Variants in ARHGEF19 observed in about 807,000 individuals in gnomAD.
ARHGEF19 encodes Rho guanine nucleotide exchange factor (GEF) 19.
A neutral mutation model predicts 87.6 loss-of-function variants in ARHGEF19; 92 were observed. That is an observed-to-expected ratio of 1.05 (90% CI 0.89 to 1.25). ARHGEF19 has a LOEUF of 1.25. Among genes scored for constraint, ARHGEF19 ranks in the 50% most tolerant of loss-of-function variants. The probability of loss-of-function intolerance (pLI) is 0.00; values close to 1 mark genes in which losing one functional copy is unlikely to be tolerated. For missense variants in ARHGEF19, 1,054 were observed against 1,051.8 expected, an observed-to-expected ratio of 1.00 and a Z score of -0.03; for synonymous variants, 438 against 446.2, an observed-to-expected ratio of 0.98 and a Z score of 0.23.
In ARHGEF19 at chr1:16,205,805, G is replaced by A. The variant is rs2081126292; in HGVS notation, c.1451+126C>T. ...TTGGGGTTGCATCTCACCTTATCCTGGTCACAGAGACCTTTTCAGGGACCC... is the reference window on the plus strand; with the variant it reads ...TTGGGGTTGCATCTCACCTTATCCTAGTCACAGAGACCTTTTCAGGGACCC... On this transcript the variant is annotated intron_variant, in intron 8 of 15. Coordinates refer to ENST00000270747, the MANE Select transcript of ARHGEF19 (RefSeq NM_153213.5). The surrounding 1 kb of genome is among the most constrained non-coding windows in gnomAD (Gnocchi z 5.8). 3 of 1,488,318 alleles carry A rather than the reference G, an allele frequency of 2.0e-6. No individual in the cohort carries two copies. The highest frequency in any genetic ancestry group is 2.7e-6 in the Non-Finnish European group (3 of 1,111,792). The allele number at this position is 1,488,318 out of a possible 1,614,324, so 92.2% of individuals were successfully genotyped here.
chr1:16,204,648 G>C, intron 12 of ARHGEF19, 111 bp downstream of exon 12: 1 of 1,317,864 alleles, frequency 7.6e-7, no homozygotes, highest in Non-Finnish European at 1.0e-6. Flanking sequence ...GCATACCCTG[G>C]CACAGGCAGG....
In ARHGEF19 at chr1:16,198,858, C is replaced by T. The variant is rs1476342256; in HGVS notation, c.2252-114G>A. On this transcript the variant is annotated intron_variant, in intron 15 of 15. Coordinates refer to ENST00000270747, the MANE Select transcript of ARHGEF19 (RefSeq NM_153213.5). This position sits in a 1 kb window ranked among gnomAD's most constrained non-coding sequence, Gnocchi z 4.1. ...GTCTGCACCCTTGGGGCCAAGGTGA[C>T]ATCATCTCAGCATCTCTCAGCTCCA... is the stretch of plus-strand genomic sequence containing the variant. 2 of 1,339,112 alleles carry T rather than the reference C, an allele frequency of 1.5e-6. No individual in the cohort carries two copies. Among genetic ancestry groups the T allele is most frequent in the Non-Finnish European group, 2.0e-6 (2 of 988,228 alleles). The allele number at this position is 1,339,112 out of a possible 1,614,324, so 83.0% of individuals were successfully genotyped here.
intron 12 of ARHGEF19, 29 bp downstream of exon 12, chr1:16,204,730 C>T (rs370907435): frequency 7.5e-5 from 115 of 1,536,116 alleles, no homozygotes; most frequent in Non-Finnish European, 9.3e-5. Flanking sequence ...CTCCACTTTA[C>T]CTACCCACCC....
At chr1:16,199,285 C>T (rs1298353460) in intron 14 of ARHGEF19, 31 bp from the exon 15 acceptor site, 1 of 1,605,214 alleles carries the variant, frequency 6.2e-7, no homozygotes, top group South Asian at 1.1e-5. Flanking sequence ...CAGGGAGTCC[C>T]AAGGGCAGGA....
chr1:16,205,259 G>A lies in ARHGEF19; in HGVS notation c.1657-83C>T. 1 of 1,603,858 alleles carries A rather than the reference G, an allele frequency of 6.2e-7. No individual in the cohort carries two copies. Among genetic ancestry groups the A allele is most frequent in the Non-Finnish European group, 8.5e-7 (1 of 1,173,346 alleles). On this transcript the variant is annotated intron_variant, in intron 10 of 15. Coordinates refer to ENST00000270747, the MANE Select transcript of ARHGEF19 (RefSeq NM_153213.5). This position sits in a 1 kb window ranked among gnomAD's most constrained non-coding sequence, Gnocchi z 5.8. Reference sequence around the variant, plus strand: ...GCCTCAGACTCTTGCCTGGGGACCGGAGACTCTGACAGCTGGGGGCTGTTT... The same window carrying A: ...GCCTCAGACTCTTGCCTGGGGACCGAAGACTCTGACAGCTGGGGGCTGTTT...
In ARHGEF19 at chr1:16,208,240, AAGG is replaced by A; in HGVS notation, c.413-18_413-16del. On this transcript the variant is annotated splice_polypyrimidine_tract_variant and intron_variant, in intron 2 of 15. Coordinates refer to ENST00000270747, the MANE Select transcript of ARHGEF19 (RefSeq NM_153213.5). ...CATCTTGCGCCCTAGGGTTGGGGGC[AAGG>A]AGTGAGAGCACGGGCTGGGGTCTCC... is the stretch of plus-strand genomic sequence containing the variant. 6.2e-7 allele frequency: 1 copy of A among 1,607,836 alleles called. No individual in the cohort carries two copies. The highest frequency in any genetic ancestry group is 8.5e-7 in the Non-Finnish European group (1 of 1,176,296).
At chr1:16,201,230 C>T (rs922787732) in intron 14 of ARHGEF19, among the ~76,000 whole-genome samples, 4 of 152,092 alleles carry the variant, frequency 2.6e-5, no homozygotes, top group Non-Finnish European at 5.9e-5. Flanking sequence ...TCAAAAAAAC[C>T]CCAAACAAAC....
At chr1:16,210,309 G>A (rs974428516) in intron 1 of ARHGEF19, among the ~76,000 whole-genome samples, 6 of 152,170 alleles carry the variant, frequency 3.9e-5, no homozygotes, top group African/African-American at 7.2e-5. Context: ...CGGGCTGGGC[G>A]GGGGCCTACC....
intron 1 of ARHGEF19, 107 bp downstream of exon 1, chr1:16,212,395 G>C (rs1275346699): frequency 2.0e-5 from 3 of 152,464 alleles, no homozygotes. Context: ...AGGCCATAGT[G>C]GGTCAGAGCC....
chr1:16,211,370 C>T (rs555953223), intron 1 of ARHGEF19, among the ~76,000 whole-genome samples: 1 of 152,290 alleles, frequency 6.6e-6, no homozygotes, highest in Non-Finnish European at 1.5e-5. Flanking sequence ...TACACATGCC[C>T]CCTGCCCCTT....
chr1:16,198,872 C>T lies in ARHGEF19; in HGVS notation c.2252-128G>A. The T allele has an allele frequency of 8.1e-7, 1 of 1,228,310 alleles. No homozygotes were observed. Among genetic ancestry groups the T allele is most frequent in the South Asian group, 1.5e-5 (1 of 65,036 alleles). 76.1% of individuals were successfully genotyped at this position (1,228,310 alleles called of 1,614,324 possible). On this transcript the variant is annotated intron_variant, in intron 15 of 15. Coordinates refer to ENST00000270747, the MANE Select transcript of ARHGEF19 (RefSeq NM_153213.5). This position sits in a 1 kb window ranked among gnomAD's most constrained non-coding sequence, Gnocchi z 4.1. The stretch of plus-strand genomic sequence containing the variant: ...GGCCAAGGTGACATCATCTCAGCAT[C>T]TCTCAGCTCCAGGAAGGACCCTGTC...
At position 16,206,920 on chromosome 1, in the gene ARHGEF19, G is replaced by T; in HGVS notation, c.1137+28C>A. On this transcript the variant is annotated intron_variant, in intron 6 of 15. Coordinates refer to ENST00000270747, the MANE Select transcript of ARHGEF19 (RefSeq NM_153213.5). The surrounding 1 kb of genome is among the most constrained non-coding windows in gnomAD (Gnocchi z 4.6). ...ACCGCGTACTCCCCGGCCCGCCCCC[G>T]CCCCGCCGGGTCCCCGCGCGCGCCC... 8.3e-7 allele frequency: 1 copy of T among 1,210,774 alleles called. No homozygotes were observed. The allele number at this position is 1,210,774 out of a possible 1,614,324, so 75.0% of individuals were successfully genotyped here.
chr1:16,205,328 A>G lies in ARHGEF19; in HGVS notation c.1656+23T>C, dbSNP rs776666034. The G allele has an allele frequency of 3.1e-6, 5 of 1,613,676 alleles. No individual in the cohort carries two copies. In the South Asian group the frequency reaches 5.5e-5, roughly 18 times the overall value. On this transcript the variant is annotated intron_variant, in intron 10 of 15. Transcript: ENST00000270747. The surrounding 1 kb of genome is among the most constrained non-coding windows in gnomAD (Gnocchi z 5.8). ...CCAGGGGGGGCCTCAGGAGCCAAGC[A>G]GCCCCTGCCCTGCCCAGCTCACCTC...
At chr1:16,210,872 T>C (rs1046258792) in intron 1 of ARHGEF19, among the ~76,000 whole-genome samples, 2 of 152,084 alleles carry the variant, frequency 1.3e-5, no homozygotes, top group Non-Finnish European at 2.9e-5. Flanking sequence ...TCAGTCACTA[T>C]TGGAGACAGG....
chr1:16,205,776 C>T lies in ARHGEF19; in HGVS notation c.1452-109G>A, dbSNP rs533213883. ...GGGGCTTCTCAGCACATCCTTACTG[C>T]CCTTTGGGGTTGCATCTCACCTTAT... is the stretch of plus-strand genomic sequence containing the variant. On this transcript the variant is annotated intron_variant, in intron 8 of 15. Transcript: ENST00000270747. This position sits in a 1 kb window ranked among gnomAD's most constrained non-coding sequence, Gnocchi z 5.8. 200 of 1,491,322 alleles carry T rather than the reference C, an allele frequency of 1.3e-4. 1 individual carries two copies. In the East Asian group the frequency reaches 4.4e-3, roughly 33 times the overall value. The allele number at this position is 1,491,322 out of a possible 1,614,324, so 92.4% of individuals were successfully genotyped here. A position where few individuals can be genotyped will look rare whatever the true frequency, so the allele number is the denominator to read the frequency against.
At chr1:16,200,728 G>A (rs2081077968) in intron 14 of ARHGEF19, among the ~76,000 whole-genome samples, 1 of 149,430 alleles carries the variant, frequency 6.7e-6, no homozygotes, top group Non-Finnish European at 1.5e-5. Context: ...TGGATGGCAG[G>A]GTGAGACTCT....
At chr1:16,210,513 C>T (rs2081189432) in intron 1 of ARHGEF19, among the ~76,000 whole-genome samples, 1 of 152,208 alleles carries the variant, frequency 6.6e-6, no homozygotes, top group Non-Finnish European at 1.5e-5. Context: ...AACAGAAAAA[C>T]CACAGATGCT....
chr1:16,198,565 G>C lies in ARHGEF19; in HGVS notation c.*22C>G. ...ATCCAGGAGCCAGGCATGGAGGTGG[G>C]GTCCTAGGCCATGGCTGCCCATCAC... On this transcript the variant is annotated 3_prime_UTR_variant, in exon 16 of 16. Coordinates refer to ENST00000270747, the MANE Select transcript of ARHGEF19 (RefSeq NM_153213.5). The surrounding 1 kb of genome is among the most constrained non-coding windows in gnomAD (Gnocchi z 4.1). The C allele has an allele frequency of 6.3e-7, 1 of 1,581,836 alleles. No homozygotes were observed. The highest frequency in any genetic ancestry group is 8.6e-7 in the Non-Finnish European group (1 of 1,162,044).
chr1:16,200,147 C>G (rs1271946112), intron 14 of ARHGEF19, among the ~76,000 whole-genome samples: 2 of 152,236 alleles, frequency 1.3e-5, no homozygotes, highest in African/African-American at 4.8e-5. Flanking sequence ...GTCCTCAGCT[C>G]TTTTCATTAG....
Sources: gnomAD v4.1 joint callset for allele counts (sites outside exome capture counted in the v4.1 genomes callset) on GRCh38, gnomAD v4.1.1 for gene constraint, Gnocchi (gnomAD v3.1) non-coding constraint, MANE v1.5 for transcripts, NCBI Gene and HGNC (gene_info 2026-07-23, HGNC 2026-07-21) for gene names.